KIAA0232: variants seen among roughly 807,000 people sequenced by gnomAD.
The protein encoded by KIAA0232 is KIAA0232.
A neutral mutation model predicts 122.0 loss-of-function variants in KIAA0232; 27 were observed. The ratio of observed to expected loss-of-function variants is 0.22; its 90% CI spans 0.16 to 0.31. The LOEUF is 0.31. Among genes scored for constraint, KIAA0232 ranks in the 10% least tolerant of loss-of-function variants. KIAA0232 has a pLI of 1.00. For missense variants in KIAA0232, 1,551 were observed against 1,634.2 expected (o/e 0.95, Z 0.88); for synonymous variants, 613 against 587.6 (o/e 1.04, Z -0.63).
intron 7 of KIAA0232, among the ~76,000 whole-genome samples, chr4:6,866,957 G>A (rs1433505750): frequency 6.6e-6 from 1 of 152,138 alleles, no homozygotes; most frequent in Non-Finnish European, 1.5e-5. Flanking sequence ...ACAGTGAAAG[G>A]TTTCCTCCCC....
At chr4:6,840,327 G>C (rs1719577346) in intron 3 of KIAA0232, among the ~76,000 whole-genome samples, 1 of 152,166 alleles carries the variant, frequency 6.6e-6, no homozygotes. Flanking sequence ...GCCTCTCTCT[G>C]AGCCAATCTT....
At chr4:6,783,727 G>T (rs1203768878) in intron 1 of KIAA0232, among the ~76,000 whole-genome samples, 1 of 151,482 alleles carries the variant, frequency 6.6e-6, no homozygotes, top group African/African-American at 2.4e-5. Flanking sequence ...GGGCCGGTGC[G>T]GCGCAAGGTT....
chr4:6,836,541 C>CTTTTCTTTTTTTTTTTTTTTTTTTTTT (rs1719286203), intron 3 of KIAA0232, among the ~76,000 whole-genome samples: 1 of 92,746 alleles, frequency 1.1e-5, no homozygotes, highest in Non-Finnish European at 2.4e-5. Flanking sequence ...TTTTTTTTTT[C>CTTTTCTTTTTTTTTTTTTTTTTTTTTT]TTTTCTTTTT....
rs1434543497 is a variant in KIAA0232, at chr4:6,829,165, A to C, written c.231+4481A>C. ...TTGGGTTTTTCGGATATTTCCTCGTATCTTTAGAGTTGGCTTGTGCATTTA... is the reference window on the plus strand; with the variant it reads ...TTGGGTTTTTCGGATATTTCCTCGTCTCTTTAGAGTTGGCTTGTGCATTTA... On this transcript the variant is annotated intron_variant, in intron 3 of 9. Transcript: ENST00000307659. Among the ~76,000 whole-genome samples the C allele has an allele frequency of 2.6e-5, 4 of 151,986 alleles. No individual in the cohort carries two copies. In the South Asian group the frequency reaches 6.2e-4, roughly 24 times the overall value.
chr4:6,794,832 T>C (rs1717060852), intron 1 of KIAA0232, among the ~76,000 whole-genome samples: 1 of 152,114 alleles, frequency 6.6e-6, no homozygotes, highest in African/African-American at 2.4e-5. Context: ...GCAAGGGTAA[T>C]GGTGGTGAGA....
At chr4:6,838,348 C>G (rs573960759) in intron 3 of KIAA0232, among the ~76,000 whole-genome samples, 3 of 151,988 alleles carry the variant, frequency 2.0e-5, no homozygotes, top group Non-Finnish European at 2.9e-5. Context: ...ACCACCATGC[C>G]CGGCTAATTT....
At chr4:6,865,645 A>T (rs928976134) in intron 7 of KIAA0232, among the ~76,000 whole-genome samples, 4 of 152,150 alleles carry the variant, frequency 2.6e-5, no homozygotes, top group Non-Finnish European at 5.9e-5. Flanking sequence ...AAGCCATGCC[A>T]CCTGTGGCCA....
At chr4:6,797,347 GGCCT>G (rs1464169416) in intron 1 of KIAA0232, among the ~76,000 whole-genome samples, 2 of 152,160 alleles carry the variant, frequency 1.3e-5, no homozygotes, top group African/African-American at 4.8e-5. Context: ...TTGAGGTTCA[GGCCT>G]GTCATCTTCT....
chr4:6,807,304 AATCTT>A lies in KIAA0232; in HGVS notation c.-270+2703_-270+2707del, dbSNP rs1208749687. Among the ~76,000 whole-genome samples, 11 of 152,248 alleles carry A rather than the reference AATCTT, an allele frequency of 7.2e-5. No homozygotes were observed. In the East Asian group the frequency reaches 2.1e-3, roughly 29 times the overall value. On this transcript the variant is annotated intron_variant, in intron 2 of 9. Transcript: ENST00000307659. ...GCTACTTCTCTTGCTATCAAGTAGT[AATCTT>A]ATCTATAAGAACAATCCTGTTTATG... is the stretch of plus-strand genomic sequence containing the variant.
Position 6,860,894 on chromosome 4 carries a change from T to TG in KIAA0232, c.519-7_519-6insG. 1 of 1,608,818 alleles carries TG rather than the reference T, an allele frequency of 6.2e-7. No individual in the cohort carries two copies. Among genetic ancestry groups the TG allele is most frequent in the Non-Finnish European group, 8.5e-7 (1 of 1,177,098 alleles). ...TCGTGTTTTGAAGTCTTTACTCTGT[T>TG]TTTCAGGTACTATGAAGCATTTCCA... On this transcript the variant is annotated splice_region_variant and splice_polypyrimidine_tract_variant and intron_variant, in intron 6 of 9. Transcript: ENST00000307659.
At chr4:6,860,683 C>T (rs914839582) in intron 6 of KIAA0232, among the ~76,000 whole-genome samples, 6 of 152,142 alleles carry the variant, frequency 3.9e-5, no homozygotes, top group East Asian at 1.9e-4. Context: ...TCTTACAGTG[C>T]GTATCACAGT....
intron 1 of KIAA0232, among the ~76,000 whole-genome samples, chr4:6,803,005 C>T (rs1174746600): frequency 4.5e-5 from 5 of 112,138 alleles, no homozygotes; most frequent in Admixed American, 3.4e-4. Context: ...CATACTCTGT[C>T]TTGACCAAAA....
chr4:6,792,405 G>C (rs1716935492), intron 1 of KIAA0232, among the ~76,000 whole-genome samples: 1 of 151,834 alleles, frequency 6.6e-6, no homozygotes, highest in African/African-American at 2.4e-5. Flanking sequence ...TGACCAACAA[G>C]TTTCTAACTA....
chr4:6,876,716 G>A lies in KIAA0232; in HGVS notation c.3967G>A (p.Glu1323Lys). 6.2e-7 allele frequency: 1 copy of A among 1,613,356 alleles called. No homozygotes were observed. The highest frequency in any genetic ancestry group is 8.5e-7 in the Non-Finnish European group (1 of 1,179,332). The change falls in exon 9 of 10, where the codon GAG becomes AAG. Residue 1323 changes from glutamate to lysine, a missense_variant. Coordinates refer to ENST00000307659, the MANE Select transcript of KIAA0232 (RefSeq NM_014743.3). ...SGLEEYPDAKETPSNEERLLD... is the reference protein window; with the variant it reads ...SGLEEYPDAKKTPSNEERLLD... ...TTTAGAAGAATATCCAGATGCTAAA[G>A]AGACACCCAGTAATGAAGAGCGCCT...
chr4:6,824,678 G>T lies in KIAA0232; in HGVS notation c.225G>T (p.Gln75His), dbSNP rs1462906495. Residue 75 changes from glutamine to histidine, a missense_variant, in exon 3 of 10, where the codon CAG (glutamine) becomes CAT (histidine). Coordinates refer to ENST00000307659, the MANE Select transcript of KIAA0232 (RefSeq NM_014743.3). Reference protein sequence around the residue: ...LLHDSYDYDLQEQENDIFLGW... With the variant: ...LLHDSYDYDLHEQENDIFLGW... The stretch of plus-strand genomic sequence containing the variant: ...ATGACAGCTATGACTACGACCTGCA[G>T]GAACAGGTATTTACATATTTTAAGT... 34 of 1,613,158 alleles carry T rather than the reference G, an allele frequency of 2.1e-5. No individual in the cohort carries two copies. Among genetic ancestry groups the T allele is most frequent in the Non-Finnish European group, 2.9e-5 (34 of 1,179,210 alleles).
At chr4:6,783,152 G>C (rs964892786) in intron 1 of KIAA0232, among the ~76,000 whole-genome samples, 107 of 152,042 alleles carry the variant, frequency 7.0e-4, no homozygotes, top group African/African-American at 2.6e-3. Flanking sequence ...TCCGGGGCCA[G>C]CCTAAGGGAG....
chr4:6,865,559 C>G (rs1310851668), intron 7 of KIAA0232, among the ~76,000 whole-genome samples: 1 of 152,246 alleles, frequency 6.6e-6, no homozygotes, highest in Non-Finnish European at 1.5e-5. Flanking sequence ...CCTTGGCCTC[C>G]CAAAGTGTTG....
intron 2 of KIAA0232, among the ~76,000 whole-genome samples, chr4:6,814,974 A>G (rs933320450): frequency 4.6e-5 from 7 of 152,296 alleles, no homozygotes; most frequent in South Asian, 2.1e-4. Flanking sequence ...CTAATTTTGC[A>G]TAAGAGAAAG....
At chr4:6,819,485 C>T (rs1477526907) in intron 2 of KIAA0232, among the ~76,000 whole-genome samples, 1 of 152,028 alleles carries the variant, frequency 6.6e-6, no homozygotes, top group Non-Finnish European at 1.5e-5. Flanking sequence ...ATACAAGCAG[C>T]CAACAAATGT....
Sources: gnomAD v4.1 joint callset for allele counts (sites outside exome capture counted in the v4.1 genomes callset) on GRCh38, gnomAD v4.1.1 for gene constraint, MANE v1.5 for transcripts, NCBI Gene and HGNC (gene_info 2026-07-23, HGNC 2026-07-21) for gene names.